The following LSAMP variants were observed in gnomAD, a reference collection of about 807,000 sequenced individuals.
The protein encoded by LSAMP is limbic system-associated membrane protein.
In LSAMP, 7 loss-of-function variants were observed where a neutral mutation model predicts 38.6. That is an observed-to-expected ratio of 0.18 (90% CI 0.10 to 0.34). The LOEUF (loss-of-function observed/expected upper bound fraction) is 0.34. Ranked by LOEUF, LSAMP falls within the 10% of genes least tolerant of loss-of-function variation. The pLI, the probability that LSAMP is intolerant of heterozygous loss-of-function variation, is 1.00. For missense variants in LSAMP, 313 were observed against 420.0 expected (o/e 0.75, Z 2.23); for synonymous variants, 154 against 166.8 (o/e 0.92, Z 0.59).
intron 1 of LSAMP, among the ~76,000 whole-genome samples, chr3:116,248,769 A>G (rs994825166): frequency 1.3e-5 from 2 of 152,010 alleles, no homozygotes; most frequent in Non-Finnish European, 2.9e-5. Context: ...GCCTGTGTAC[A>G]TATGTAGGCA....
At chr3:116,299,993 T>C (rs1223400751) in intron 1 of LSAMP, among the ~76,000 whole-genome samples, 1 of 152,162 alleles carries the variant, frequency 6.6e-6, no homozygotes, top group Non-Finnish European at 1.5e-5. Context: ...CTGTCTCTAA[T>C]AAGGCCATCT....
At chr3:116,343,469 T>C (rs921990958) in intron 1 of LSAMP, among the ~76,000 whole-genome samples, 4 of 152,120 alleles carry the variant, frequency 2.6e-5, no homozygotes, top group African/African-American at 4.8e-5. Flanking sequence ...AATAGCTTCT[T>C]AGGTTTCAGG....
At chr3:116,025,595 T>C (rs1940772179) in intron 2 of LSAMP, among the ~76,000 whole-genome samples, 1 of 152,140 alleles carries the variant, frequency 6.6e-6, no homozygotes, top group African/African-American at 2.4e-5. Context: ...TTGAATTCTT[T>C]GAATCATATG....
At chr3:116,131,157 AT>A (rs1310320917) in intron 1 of LSAMP, among the ~76,000 whole-genome samples, 2 of 151,548 alleles carry the variant, frequency 1.3e-5, no homozygotes, top group African/African-American at 2.4e-5. Context: ...CGCCTGGCTA[AT>A]TTTTTTGTAT....
chr3:116,071,431 G>A (rs1206118542), intron 2 of LSAMP, among the ~76,000 whole-genome samples: 2 of 150,806 alleles, frequency 1.3e-5, no homozygotes, highest in Non-Finnish European at 2.9e-5. Flanking sequence ...ATTTCTACCT[G>A]TAAAGCCAAC....
chr3:116,258,841 TAGAGG>T (rs1244324296), intron 1 of LSAMP, among the ~76,000 whole-genome samples: 4 of 152,106 alleles, frequency 2.6e-5, no homozygotes, highest in African/African-American at 9.7e-5. Context: ...ATTAAAAAGA[TAGAGG>T]AGAGTGACGT....
chr3:116,423,990 T>A (rs2049161980), intron 1 of LSAMP, among the ~76,000 whole-genome samples: 1 of 152,048 alleles, frequency 6.6e-6, no homozygotes, highest in South Asian at 2.1e-4. Context: ...GAACAGGTGA[T>A]GGAAACAAAT....
intron 1 of LSAMP, among the ~76,000 whole-genome samples, chr3:116,125,038 T>G (rs1297340936): frequency 1.3e-5 from 2 of 151,974 alleles, no homozygotes; most frequent in Non-Finnish European, 2.9e-5. Context: ...GTACTTGGGG[T>G]TCTTTATTTC....
At chr3:116,362,800 C>A (rs766489880) in intron 1 of LSAMP, among the ~76,000 whole-genome samples, 1,396 of 80,784 alleles carry the variant, frequency 0.017, 108 homozygotes, top group Non-Finnish European at 0.025. Context: ...TAAAGATGTT[C>A]TTTGAAACCA....
At chr3:116,162,690 C>A (rs192445378) in intron 1 of LSAMP, among the ~76,000 whole-genome samples, 1,890 of 147,392 alleles carry the variant, frequency 0.013, 44 homozygotes, top group African/African-American at 0.043. Flanking sequence ...CTCTCTCTCT[C>A]TCTCTATATA....
chr3:116,221,099 G>A (rs1332033499), intron 1 of LSAMP, among the ~76,000 whole-genome samples: 1 of 130,122 alleles, frequency 7.7e-6, no homozygotes, highest in Admixed American at 9.2e-5. Context: ...CTTGCAGTGA[G>A]CCAAGTGTGC....
At chr3:116,426,461 C>CAAAAAAAAAAAAAAAAAAAAA (rs34278703) in intron 1 of LSAMP, among the ~76,000 whole-genome samples, 1 of 85,536 alleles carries the variant, frequency 1.2e-5, no homozygotes. Flanking sequence ...AACTCCGTCT[C>CAAAAAAAAAAAAAAAAAAAAA]AAAAAAAAAA....
chr3:116,054,698 A>C (rs909232849), intron 2 of LSAMP, among the ~76,000 whole-genome samples: 15 of 152,234 alleles, frequency 9.9e-5, no homozygotes, highest in African/African-American at 3.6e-4. Flanking sequence ...TAAAAAGTAA[A>C]AACATAATTT....
intron 3 of LSAMP, among the ~76,000 whole-genome samples, chr3:115,896,840 A>G (rs1295643306): frequency 4.6e-5 from 7 of 151,900 alleles, no homozygotes; most frequent in Non-Finnish European, 1.0e-4. Context: ...TCTTTTTTTT[A>G]TGGTCATGAT....
At chr3:116,070,952 A>G (rs1380679142) in intron 2 of LSAMP, among the ~76,000 whole-genome samples, 1 of 152,030 alleles carries the variant, frequency 6.6e-6, no homozygotes, top group Admixed American at 6.5e-5. Context: ...AGGCAGGAGA[A>G]TCGCTTGAAC....
chr3:116,327,933 T>A (rs531919031), intron 1 of LSAMP, among the ~76,000 whole-genome samples: 2 of 152,162 alleles, frequency 1.3e-5, no homozygotes, highest in Non-Finnish European at 2.9e-5. Context: ...GGACTCCTGA[T>A]GGATGATTGT....
At chr3:116,072,607 G>T (rs1408811467) in intron 2 of LSAMP, among the ~76,000 whole-genome samples, 2 of 151,944 alleles carry the variant, frequency 1.3e-5, no homozygotes, top group African/African-American at 2.4e-5. Context: ...GGTGTGAGAC[G>T]GTATTTCATT....
chr3:116,127,695 A>ATTTT (rs67470158), intron 1 of LSAMP, among the ~76,000 whole-genome samples: 5 of 96,646 alleles, frequency 5.2e-5, no homozygotes, highest in Admixed American at 1.2e-4. Context: ...GTGTTTGTTC[A>ATTTT]TTTTTTTTTT....
chr3:115,907,379 T>A (rs1284404770), intron 3 of LSAMP, among the ~76,000 whole-genome samples: 1 of 151,538 alleles, frequency 6.6e-6, no homozygotes, highest in Admixed American at 6.6e-5. Flanking sequence ...AGAGGTAGCT[T>A]GTTTGCCCCA....
Sources: gnomAD v4.1 joint callset for allele counts (sites outside exome capture counted in the v4.1 genomes callset) on GRCh38, gnomAD v4.1.1 for gene constraint, MANE v1.5 for transcripts, NCBI Gene and HGNC (gene_info 2026-07-23, HGNC 2026-07-21) for gene names.